SSPN: variants seen among roughly 807,000 people sequenced by gnomAD.
SSPN encodes the protein K-ras oncogene-associated protein.
Under a neutral mutation model 19.1 loss-of-function variants are expected in SSPN, and 15 were observed. The observed-to-expected ratio is 0.78, with a 90% CI of 0.52 to 1.21. The LOEUF is 1.21. Among genes scored for constraint, SSPN ranks in the 50% most tolerant of loss-of-function variants. The pLI, the probability that SSPN is intolerant of heterozygous loss-of-function variation, is 0.00. For missense variants in SSPN, 291 were observed against 314.0 expected, an observed-to-expected ratio of 0.93 and a Z score of 0.55; for synonymous variants, 147 against 140.3, an observed-to-expected ratio of 1.05 and a Z score of -0.34.
At chr12:26,171,750 G>A (rs184338935) in intron 1 of SSPN, among the ~76,000 whole-genome samples, 1 of 151,832 alleles carries the variant, frequency 6.6e-6, no homozygotes, top group Non-Finnish European at 1.5e-5. Context: ...AATACAATAA[G>A]TATCAATAGA....
chr12:26,216,118 T>C (rs552525044), intron 1 of SSPN, among the ~76,000 whole-genome samples: 7 of 152,330 alleles, frequency 4.6e-5, no homozygotes, highest in African/African-American at 1.4e-4. Flanking sequence ...AGTAGTATAT[T>C]ATTGTTTATA....
intron 2 of SSPN, among the ~76,000 whole-genome samples, chr12:26,227,619 T>C (rs1945190963): frequency 6.6e-6 from 1 of 152,252 alleles, no homozygotes. Context: ...CTGGCAGCTC[T>C]TTCCATCCCT....
At position 26,231,976 on chromosome 12, in the gene SSPN, ATTCT is replaced by A. The variant is rs750833741; in HGVS notation, c.*906_*909del. ...CTCTCACAAGAGCAGAGGCCTGAAG[ATTCT>A]TTCTTCTGAAAGCCAAGCACCACAA... On this transcript the variant is annotated 3_prime_UTR_variant, in exon 3 of 3. Transcript: ENST00000242729. 5.1e-5 allele frequency: 50 copies of A among 983,442 alleles called. No individual in the cohort carries two copies. The highest frequency in any genetic ancestry group is 3.4e-4 in the East Asian group (3 of 8,760). 60.9% of individuals were successfully genotyped at this position (983,442 alleles called of 1,614,324 possible).
chr12:26,181,526 C>T (rs1024604408), intron 1 of SSPN, among the ~76,000 whole-genome samples: 11 of 152,064 alleles, frequency 7.2e-5, no homozygotes, highest in African/African-American at 2.4e-4. Flanking sequence ...ATTCTAAAAC[C>T]ACAATTTCTC....
In SSPN at chr12:26,133,853, T is replaced by C. The variant is rs149688766; in HGVS notation, c.-31+11701T>C. 4.2e-4 allele frequency among the ~76,000 whole-genome samples: 64 copies of C among 152,336 alleles called. 1 individual carries two copies. The highest frequency in any genetic ancestry group is 1.3e-3 in the African/African-American group (55 of 41,560). On this transcript the variant is annotated intron_variant, in intron 1 of 2. Transcript: ENST00000538142. ...TCTGGAAAAATGTGGTTCCAAGTTT[T>C]TATTATGCAATGAGGACAGAGTGGA...
intron 1 of SSPN, among the ~76,000 whole-genome samples, chr12:26,130,657 C>T (rs916403095): frequency 2.0e-5 from 3 of 152,124 alleles, no homozygotes; most frequent in African/African-American, 7.2e-5. Context: ...TGCATTTCAG[C>T]CAAAATAACA....
At chr12:26,149,441 G>A (rs750602286) in intron 1 of SSPN, among the ~76,000 whole-genome samples, 2 of 152,106 alleles carry the variant, frequency 1.3e-5, no homozygotes, top group Non-Finnish European at 2.9e-5. Context: ...CACTTTATTT[G>A]GGGGCAAAAA....
Position 26,195,744 on chromosome 12 carries a change from C to T in SSPN, c.72C>T (p.Pro24=), listed in dbSNP as rs939353391. The change falls in exon 1 of 3, where the codon CCC becomes CCT. Residue 24 remains proline (P), a synonymous_variant. Transcript: ENST00000242729. ...CGCCGGCCGCGGACGCCGCTGGGCC[C>T]GACGACATGGAGCCGAAGAAGGGCA... The part of the protein sequence containing the change: ...GGPPAADAAG[P]DDMEPKKGTG... The T allele has an allele frequency of 3.4e-6, 5 of 1,480,764 alleles. No homozygotes were observed. In the East Asian group the frequency reaches 1.2e-4, roughly 34 times the overall value. 91.7% of individuals were successfully genotyped at this position (1,480,764 alleles called of 1,614,324 possible).
chr12:26,138,023 C>T (rs1944438778), intron 1 of SSPN, among the ~76,000 whole-genome samples: 1 of 151,956 alleles, frequency 6.6e-6, no homozygotes, highest in Admixed American at 6.6e-5. Flanking sequence ...GGTTCCAGGA[C>T]CTCCCCCGAC....
intron 1 of SSPN, among the ~76,000 whole-genome samples, chr12:26,181,854 A>T (rs1398283839): frequency 6.6e-6 from 1 of 152,232 alleles, no homozygotes; most frequent in Non-Finnish European, 1.5e-5. Flanking sequence ...TATATGTAGA[A>T]ATAAATGTTG....
chr12:26,130,253 A>C (rs1944390115), intron 1 of SSPN, among the ~76,000 whole-genome samples: 1 of 152,194 alleles, frequency 6.6e-6, no homozygotes, highest in Admixed American at 6.5e-5. Context: ...AAATCTTCCA[A>C]GAAAAACATG....
chr12:26,166,819 G>T (rs1944624155), intron 1 of SSPN, among the ~76,000 whole-genome samples: 1 of 152,206 alleles, frequency 6.6e-6, no homozygotes, highest in South Asian at 2.1e-4. Context: ...GGAAAAGTTT[G>T]CTGATCTCTG....
chr12:26,227,913 C>T (rs1472434526), intron 2 of SSPN, among the ~76,000 whole-genome samples: 1 of 152,210 alleles, frequency 6.6e-6, no homozygotes, highest in Non-Finnish European at 1.5e-5. Flanking sequence ...GTCTTGGGCA[C>T]ATCTTTTAAT....
chr12:26,163,791 A>C (rs1323200299), intron 1 of SSPN, among the ~76,000 whole-genome samples: 1 of 152,248 alleles, frequency 6.6e-6, no homozygotes, highest in African/African-American at 2.4e-5. Context: ...ATGGGTTTAT[A>C]ATTCTTTAAA....
intron 1 of SSPN, among the ~76,000 whole-genome samples, chr12:26,165,580 T>C (rs1189203048): frequency 6.6e-6 from 1 of 152,212 alleles, no homozygotes; most frequent in Non-Finnish European, 1.5e-5. Context: ...ATGCAACCAA[T>C]AGATGCTTAA....
Position 26,160,316 on chromosome 12 carries a change from T to C in SSPN, c.-31+38164T>C, listed in dbSNP as rs374624330. 1.1e-3 allele frequency among the ~76,000 whole-genome samples: 168 copies of C among 152,352 alleles called. 1 individual carries two copies. The highest frequency in any genetic ancestry group is 3.7e-3 in the African/African-American group (152 of 41,580). The stretch of plus-strand genomic sequence containing the variant: ...TGAACACTTATTTTATATTCCTCAT[T>C]TACCCCTGTCCCTCCAAATGGCCTT... On this transcript the variant is annotated intron_variant, in intron 1 of 2. Coordinates refer to the SSPN transcript ENST00000538142.
intron 1 of SSPN, chr12:26,181,317 C>T (rs950462839): frequency 2.6e-5 from 4 of 152,092 alleles, no homozygotes; most frequent in Non-Finnish European, 4.4e-5. Context: ...CAGAATTCTG[C>T]GTTTTCTTCT....
intron 1 of SSPN, among the ~76,000 whole-genome samples, chr12:26,150,935 G>A (rs113096835): frequency 1.3e-5 from 2 of 152,140 alleles, no homozygotes; most frequent in African/African-American, 4.8e-5. Flanking sequence ...GCTCACTGGA[G>A]AACTCAAGAA....
intron 1 of SSPN, among the ~76,000 whole-genome samples, chr12:26,123,363 G>A (rs549703130): frequency 6.6e-6 from 1 of 152,288 alleles, no homozygotes; most frequent in East Asian, 1.9e-4. Context: ...CGGGGAGAGG[G>A]CGCTCTCCTC....
Sources: gnomAD v4.1 joint callset for allele counts (sites outside exome capture counted in the v4.1 genomes callset) on GRCh38, gnomAD v4.1.1 for gene constraint, MANE v1.5 for transcripts, NCBI Gene and HGNC (gene_info 2026-07-23, HGNC 2026-07-21) for gene names.